TRAPPC9: variants seen among roughly 807,000 people sequenced by gnomAD.
TRAPPC9 encodes the protein trafficking protein particle complex subunit 9.
In TRAPPC9, 83 loss-of-function variants were observed where a neutral mutation model predicts 124.0. The ratio of observed to expected loss-of-function variants is 0.67; its 90% CI spans 0.56 to 0.80. The LOEUF is 0.80. Ranked by LOEUF, TRAPPC9 falls within the 30% of genes least tolerant of loss-of-function variation. The probability of loss-of-function intolerance (pLI) is 0.00; values close to 1 mark genes in which losing one functional copy is unlikely to be tolerated. For synonymous variants in TRAPPC9, 638 were observed against 617.5 expected (o/e 1.03, Z -0.49); for missense variants, 1,302 against 1,508.3 (o/e 0.86, Z 2.27).
At chr8:140,369,059 G>A (rs536870164) in intron 8 of TRAPPC9, among the ~76,000 whole-genome samples, 4 of 152,228 alleles carry the variant, frequency 2.6e-5, no homozygotes, top group Non-Finnish European at 2.9e-5. Context: ...AGTCATTTCC[G>A]CACAGACCGT....
chr8:140,421,095 C>T (rs968391025), intron 5 of TRAPPC9, among the ~76,000 whole-genome samples: 3 of 152,250 alleles, frequency 2.0e-5, no homozygotes, highest in Non-Finnish European at 4.4e-5. Context: ...AAACCTTTCC[C>T]TAGGAGACAG....
At chr8:140,272,130 C>CAATGATGATGGTGATGGTGGCAATGGT (rs1450234909) in intron 15 of TRAPPC9, among the ~76,000 whole-genome samples, 1 of 100,382 alleles carries the variant, frequency 1.0e-5, no homozygotes, top group Non-Finnish European at 2.2e-5. Flanking sequence ...GTGATGGTGG[C>CAATGATGATGGTGATGGTGGCAATGGT]GATGGTGATG....
intron 17 of TRAPPC9, among the ~76,000 whole-genome samples, chr8:140,143,634 G>A (rs1221478336): frequency 4.6e-5 from 7 of 152,154 alleles, no homozygotes; most frequent in Non-Finnish European, 8.8e-5. Context: ...TGGTCTTTAA[G>A]ACAGGCTCCT....
chr8:140,159,249 T>C (rs2061704889), intron 17 of TRAPPC9, among the ~76,000 whole-genome samples: 1 of 152,208 alleles, frequency 6.6e-6, no homozygotes, highest in African/African-American at 2.4e-5. Context: ...CCTAAATCTA[T>C]TACCACATTT....
At chr8:140,168,605 C>T (rs2061896334) in intron 17 of TRAPPC9, among the ~76,000 whole-genome samples, 2 of 152,168 alleles carry the variant, frequency 1.3e-5, no homozygotes, top group Non-Finnish European at 2.9e-5. Context: ...GATGATTCCT[C>T]GCTGTCCTCA....
At chr8:140,399,245 G>A (rs1019907543) in intron 6 of TRAPPC9, among the ~76,000 whole-genome samples, 3 of 152,254 alleles carry the variant, frequency 2.0e-5, no homozygotes, top group Non-Finnish European at 4.4e-5. Flanking sequence ...TATGGGGTTG[G>A]AGCCCCCACA....
At chr8:140,196,058 T>C (rs2062656420) in intron 17 of TRAPPC9, among the ~76,000 whole-genome samples, 4 of 50,788 alleles carry the variant, frequency 7.9e-5, no homozygotes, top group Admixed American at 2.4e-4. Flanking sequence ...ATTGAACAAT[T>C]CACATACAGA....
chr8:140,368,042 C>T (rs1273042734), intron 8 of TRAPPC9, among the ~76,000 whole-genome samples: 1 of 152,186 alleles, frequency 6.6e-6, no homozygotes, highest in Non-Finnish European at 1.5e-5. Context: ...TGTATGACCT[C>T]TCCAGGTCTC....
chr8:140,141,566 G>C (rs1243342553), intron 17 of TRAPPC9, among the ~76,000 whole-genome samples: 1 of 152,182 alleles, frequency 6.6e-6, no homozygotes, highest in Non-Finnish European at 1.5e-5. Flanking sequence ...AGTCCTTCTA[G>C]ATAAATCAGG....
intron 6 of TRAPPC9, among the ~76,000 whole-genome samples, chr8:140,404,930 G>A (rs2069437864): frequency 6.6e-6 from 1 of 152,042 alleles, no homozygotes; most frequent in Non-Finnish European, 1.5e-5. Context: ...GTGTGTGTGT[G>A]TGTGTGTGTG....
At chr8:140,384,301 C>T (rs562668820) in intron 7 of TRAPPC9, among the ~76,000 whole-genome samples, 1 of 151,520 alleles carries the variant, frequency 6.6e-6, no homozygotes, top group South Asian at 2.1e-4. Flanking sequence ...TATCAAATTC[C>T]ACATAACAAT....
intron 17 of TRAPPC9, among the ~76,000 whole-genome samples, chr8:140,193,016 C>G (rs940867489): frequency 1.3e-5 from 2 of 152,194 alleles, no homozygotes; most frequent in African/African-American, 4.8e-5. Flanking sequence ...AAGTGATCCG[C>G]CCGCCTCGGC....
intron 21 of TRAPPC9, among the ~76,000 whole-genome samples, chr8:139,852,710 T>C (rs1289585118): frequency 6.6e-6 from 1 of 152,226 alleles, no homozygotes; most frequent in Admixed American, 6.5e-5. Flanking sequence ...ATTTTCTCCC[T>C]CTGGGCTGGC....
At chr8:140,070,270 G>A (rs1463553478) in intron 17 of TRAPPC9, among the ~76,000 whole-genome samples, 2 of 152,142 alleles carry the variant, frequency 1.3e-5, no homozygotes, top group South Asian at 2.1e-4. Flanking sequence ...TTAAGGTAGA[G>A]GCAACATATA....
chr8:139,776,167 C>A lies in TRAPPC9; in HGVS notation c.3056-43965G>T, dbSNP rs888568333. On this transcript the variant is annotated intron_variant, in intron 21 of 22. Coordinates refer to ENST00000438773, the MANE Select transcript of TRAPPC9 (RefSeq NM_001160372.4). The surrounding 1 kb of genome is among the most constrained non-coding windows in gnomAD (Gnocchi z 4.1). ...CGTGCTAGTCATGGGGGCTTGGGAC[C>A]CAGCCTCAGTCTCTGGGCTCCCCGA... Among the ~76,000 whole-genome samples the A allele has an allele frequency of 1.3e-5, 2 of 152,184 alleles. No homozygotes were observed. Among genetic ancestry groups the A allele is most frequent in the Non-Finnish European group, 2.9e-5 (2 of 68,044 alleles).
At chr8:140,103,363 G>A (rs962663840) in intron 17 of TRAPPC9, among the ~76,000 whole-genome samples, 10 of 152,182 alleles carry the variant, frequency 6.6e-5, no homozygotes, top group African/African-American at 2.4e-4. Flanking sequence ...TTAAATGACA[G>A]AGCTCACGTG....
rs868080802 is a variant in TRAPPC9, at chr8:139,971,818, C to T, written c.2810+16908G>A. 2.7e-5 allele frequency among the ~76,000 whole-genome samples: 4 copies of T among 148,016 alleles called. 1 individual carries two copies. Among genetic ancestry groups the T allele is most frequent in the African/African-American group, 5.0e-5 (2 of 39,662 alleles). ...ATATATATATACATATATATATATA[C>T]ACACACACACACAATTTTTTTTTTT... On this transcript the variant is annotated intron_variant, in intron 19 of 22. Coordinates refer to ENST00000438773, the MANE Select transcript of TRAPPC9 (RefSeq NM_001160372.4).
intron 17 of TRAPPC9, among the ~76,000 whole-genome samples, chr8:140,038,290 C>T (rs1003030111): frequency 3.3e-5 from 5 of 152,220 alleles, no homozygotes; most frequent in Non-Finnish European, 5.9e-5. Context: ...TTCACCTCTG[C>T]TCACCCGTGC....
chr8:139,748,380 G>T (rs1819086584), intron 21 of TRAPPC9, among the ~76,000 whole-genome samples: 1 of 132,614 alleles, frequency 7.5e-6, no homozygotes, highest in African/African-American at 3.1e-5. Flanking sequence ...CAGGTAGGGG[G>T]GCGTACAGGG....
Sources: gnomAD v4.1 joint callset for allele counts (sites outside exome capture counted in the v4.1 genomes callset) on GRCh38, gnomAD v4.1.1 for gene constraint, Gnocchi (gnomAD v3.1) non-coding constraint, MANE v1.5 for transcripts, NCBI Gene and HGNC (gene_info 2026-07-23, HGNC 2026-07-21) for gene names.